ASB13: variants seen among roughly 807,000 people sequenced by gnomAD.
ASB13 encodes ankyrin repeat and SOCS box protein 13.
A neutral mutation model predicts 28.8 loss-of-function variants in ASB13; 33 were observed. The ratio of observed to expected loss-of-function variants is 1.15; its 90% CI spans 0.87 to 1.53. The LOEUF is 1.53. ASB13 is among the 40% of genes most tolerant of loss of function. ASB13 has a pLI of 0.00. For synonymous variants in ASB13, 182 were observed against 172.9 expected, an observed-to-expected ratio of 1.05 and a Z score of -0.41; for missense variants, 414 against 390.1, an observed-to-expected ratio of 1.06 and a Z score of -0.52.
Position 5,659,151 on chromosome 10 carries a change from C to T in ASB13, c.44-6101G>A, listed in dbSNP as rs1420608079. On this transcript the variant is annotated intron_variant, in intron 1 of 5. Coordinates refer to ENST00000357700, the MANE Select transcript of ASB13 (RefSeq NM_024701.4). The surrounding 1 kb of genome is among the most constrained non-coding windows in gnomAD (Gnocchi z 5.8). ...TTGCAGGCTGCTTCCAGCCCCTGTG[C>T]CAGGCTCCCTGTGGTGGCAAGACGC... is the stretch of plus-strand genomic sequence containing the variant. Among the ~76,000 whole-genome samples the T allele has an allele frequency of 6.6e-6, 1 of 152,190 alleles. No individual in the cohort carries two copies. The highest frequency in any genetic ancestry group is 2.4e-5 in the African/African-American group (1 of 41,446).
chr10:5,662,533 G>GA (rs754813507), intron 1 of ASB13, among the ~76,000 whole-genome samples: 2 of 6,682 alleles, frequency 3.0e-4, no homozygotes, highest in African/African-American at 6.0e-4. Flanking sequence ...CTGTCGAGAA[G>GA]GGGGGGGGAG....
chr10:5,641,263 G>A lies in ASB13; in HGVS notation c.710-433C>T, dbSNP rs11256529. ...ATTACAGGCACCCACCACCATGCCCGCCTAATTTTTATATTTTTAGTAGAG... is the reference window on the plus strand; with the variant it reads ...ATTACAGGCACCCACCACCATGCCCACCTAATTTTTATATTTTTAGTAGAG... On this transcript the variant is annotated intron_variant, in intron 5 of 5. Coordinates refer to ENST00000357700, the MANE Select transcript of ASB13 (RefSeq NM_024701.4). This position sits in a 1 kb window ranked among gnomAD's most constrained non-coding sequence, Gnocchi z 8.4. 0.39 allele frequency among the ~76,000 whole-genome samples: 58,980 copies of A among 151,660 alleles called. 11,686 individuals carry two copies. The highest frequency in any genetic ancestry group is 0.45 in the Middle Eastern group (132 of 294).
chr10:5,647,608 C>T (rs945071722), intron 4 of ASB13, among the ~76,000 whole-genome samples: 7 of 152,184 alleles, frequency 4.6e-5, no homozygotes, highest in African/African-American at 1.7e-4. Context: ...CACCAGGCAG[C>T]TGTGGGGACA....
In ASB13 at chr10:5,645,418, T is replaced by C. The variant is rs2131443311; in HGVS notation, c.518-3457A>G. Reference sequence around the variant, plus strand: ...GGCAGAGTTCAACATTCACTGTCAGTGATCAGATTAAAAATTACTTCACCA... The same window carrying C: ...GGCAGAGTTCAACATTCACTGTCAGCGATCAGATTAAAAATTACTTCACCA... On this transcript the variant is annotated intron_variant, in intron 4 of 5. Coordinates refer to ENST00000357700, the MANE Select transcript of ASB13 (RefSeq NM_024701.4). This position sits in a 1 kb window ranked among gnomAD's most constrained non-coding sequence, Gnocchi z 5.4. 1.3e-5 allele frequency among the ~76,000 whole-genome samples: 2 copies of C among 152,248 alleles called. No homozygotes were observed. Among genetic ancestry groups the C allele is most frequent in the South Asian group, 4.1e-4 (2 of 4,824 alleles).
rs985831000 is a variant in ASB13 at position 5,639,945 on chromosome 10, G to C, written c.*758C>G. 6 of 152,580 alleles carry C rather than the reference G, an allele frequency of 3.9e-5. No individual in the cohort carries two copies. Among genetic ancestry groups the C allele is most frequent in the African/African-American group, 1.4e-4 (6 of 41,434 alleles). The allele number at this position is 152,580 out of a possible 1,614,324, so 9.5% of individuals were successfully genotyped here. A position where few individuals can be genotyped will look rare whatever the true frequency, so the allele number is the denominator to read the frequency against. On this transcript the variant is annotated 3_prime_UTR_variant, in exon 6 of 6. Transcript: ENST00000357700. ...AAAACCTTAGTGGTACCGCCTACGT[G>C]TCCTCTAAAAGGTTTTTATCCTACA...
chr10:5,649,147 A>T lies in ASB13; in HGVS notation c.383-43T>A. The T allele has an allele frequency of 6.2e-7, 1 of 1,611,256 alleles. No homozygotes were observed. The highest frequency in any genetic ancestry group is 8.5e-7 in the Non-Finnish European group (1 of 1,179,002). On this transcript the variant is annotated intron_variant, in intron 3 of 5. Coordinates refer to ENST00000357700, the MANE Select transcript of ASB13 (RefSeq NM_024701.4). This position sits in a 1 kb window ranked among gnomAD's most constrained non-coding sequence, Gnocchi z 6.4. The stretch of plus-strand genomic sequence containing the variant: ...AGGGGGGGAATGTCCTTGAATACGG[A>T]CACTGGAGACAACAAGCACACAGAC...
At position 5,661,164 on chromosome 10, in the gene ASB13, G is replaced by GT. The variant is rs1325112823; in HGVS notation, c.43+5344dup. On this transcript the variant is annotated intron_variant, in intron 1 of 5. Transcript: ENST00000357700. The surrounding 1 kb of genome is among the most constrained non-coding windows in gnomAD (Gnocchi z 4.9). ...GGCCCGGCCACCCCCTAGAGAGCCT[G>GT]TGTCTAGGAGGCAGCTGGCCTGCTG... 6.6e-6 allele frequency among the ~76,000 whole-genome samples: 1 copy of GT among 152,122 alleles called. No individual in the cohort carries two copies. Among genetic ancestry groups the GT allele is most frequent in the Non-Finnish European group, 1.5e-5 (1 of 67,992 alleles).
At chr10:5,666,479 C>T in intron 1 of ASB13, 30 bp downstream of exon 1, 1 of 1,291,682 alleles carries the variant, frequency 7.7e-7, no homozygotes, top group Non-Finnish European at 9.8e-7. Context: ...GCCGCTGCCT[C>T]GCTCTGACCT....
Position 5,645,151 on chromosome 10 carries a change from G to A in ASB13, c.518-3190C>T, listed in dbSNP as rs1478955381. Among the ~76,000 whole-genome samples the A allele has an allele frequency of 6.6e-6, 1 of 151,768 alleles. No homozygotes were observed. On this transcript the variant is annotated intron_variant, in intron 4 of 5. Coordinates refer to ENST00000357700, the MANE Select transcript of ASB13 (RefSeq NM_024701.4). The surrounding 1 kb of genome is among the most constrained non-coding windows in gnomAD (Gnocchi z 5.4). ...CCGTGGCCAGTGACGTGACGGGACC[G>A]CCTAAGACCTTAGCACGCCAAGACT... is the stretch of plus-strand genomic sequence containing the variant.
In ASB13 at chr10:5,650,926, GT is replaced by G. The variant is rs1834974375; in HGVS notation, c.382+286del. Among the ~76,000 whole-genome samples the G allele has an allele frequency of 6.6e-6, 1 of 152,222 alleles. No individual in the cohort carries two copies. Among genetic ancestry groups the G allele is most frequent in the Non-Finnish European group, 1.5e-5 (1 of 68,036 alleles). On this transcript the variant is annotated intron_variant, in intron 3 of 5. Coordinates refer to ENST00000357700, the MANE Select transcript of ASB13 (RefSeq NM_024701.4). The surrounding 1 kb of genome is among the most constrained non-coding windows in gnomAD (Gnocchi z 6.0). The stretch of plus-strand genomic sequence containing the variant: ...CAAAGCCCAAGTGAGCCTCTGCAGA[GT>G]CCCCCAGGCCCTGCTAACGTGGAGA...
rs1463670911 is a variant in ASB13, at chr10:5,649,553, T to A, written c.383-449A>T. ...GCCTCTTTTTTTTTTTTAGACAAAG[T>A]CTCATTCTGTTGCCCAGGATGGAAT... On this transcript the variant is annotated intron_variant, in intron 3 of 5. Coordinates refer to ENST00000357700, the MANE Select transcript of ASB13 (RefSeq NM_024701.4). The surrounding 1 kb of genome is among the most constrained non-coding windows in gnomAD (Gnocchi z 6.4). Among the ~76,000 whole-genome samples, 1 of 132,980 alleles carries A rather than the reference T, an allele frequency of 7.5e-6. No homozygotes were observed. Among genetic ancestry groups the A allele is most frequent in the Admixed American group, 7.3e-5 (1 of 13,766 alleles). 87.2% of individuals were successfully genotyped at this position (132,980 alleles called of 152,430 possible).
intron 1 of ASB13, among the ~76,000 whole-genome samples, 179 bp downstream of exon 1, chr10:5,666,330 G>T (rs905766432): frequency 2.6e-5 from 4 of 152,166 alleles, no homozygotes; most frequent in Non-Finnish European, 5.9e-5. Context: ...GAGCCCGTCT[G>T]GGATGCGCGG....
At chr10:5,653,657 CATTTATTTATTTATTT>C (rs34881215) in intron 1 of ASB13, among the ~76,000 whole-genome samples, 16,147 of 148,578 alleles carry the variant, frequency 0.11, 1,357 homozygotes, top group East Asian at 0.45. Context: ...ATGTGGATGC[CATTTATTTATTTATTT>C]ATTTATTTAT....
At chr10:5,648,667 CAAACACCCCCTCGGGT>C (rs1389161378) in intron 4 of ASB13, among the ~76,000 whole-genome samples, 12 of 146,534 alleles carry the variant, frequency 8.2e-5, no homozygotes, top group African/African-American at 2.0e-4. Context: ...CCCACTCGGG[CAAACACCCCCTCGGGT>C]AAACACCCAC....
Position 5,639,340 on chromosome 10 carries a change from T to C in ASB13, c.*1363A>G, listed in dbSNP as rs1390972397. The C allele has an allele frequency of 6.6e-6, 1 of 152,492 alleles. No homozygotes were observed. Among genetic ancestry groups the C allele is most frequent in the East Asian group, 1.9e-4 (1 of 5,182 alleles). The allele number at this position is 152,492 out of a possible 1,614,324, so 9.4% of individuals were successfully genotyped here. On this transcript the variant is annotated 3_prime_UTR_variant, in exon 6 of 6. Transcript: ENST00000357700. Reference sequence around the variant, plus strand: ...ATCCAGTGAGTACCACGTTCCCTTTTCCCGGCACACTGTCTCCAGGACAGG... The same window carrying C: ...ATCCAGTGAGTACCACGTTCCCTTTCCCCGGCACACTGTCTCCAGGACAGG...
chr10:5,649,073 G>A lies in ASB13; in HGVS notation c.414C>T (p.Asp138=), dbSNP rs372320967. The A allele has an allele frequency of 2.1e-5, 34 of 1,614,114 alleles. No homozygotes were observed. Among genetic ancestry groups the A allele is most frequent in the African/African-American group, 1.2e-4 (9 of 74,940 alleles). ...CGTGCGCTTCCAGATTGGCCCCGACGTCAATAAGAAGCCTCACACATTCGG... is the reference window on the plus strand; with the variant it reads ...CGTGCGCTTCCAGATTGGCCCCGACATCAATAAGAAGCCTCACACATTCGG... ...GSSECVRLLI[D]VGANLEAHDC... Residue 138 remains aspartate (D), a synonymous_variant, in exon 4 of 6, where the codon GAC becomes GAT. Transcript: ENST00000357700. This position sits in a 1 kb window ranked among gnomAD's most constrained non-coding sequence, Gnocchi z 6.4.
In ASB13 at chr10:5,651,199, G is replaced by GT. The variant is rs1564218137; in HGVS notation, c.382+13dup. 8.8e-6 allele frequency: 14 copies of GT among 1,594,544 alleles called. No individual in the cohort carries two copies. Among genetic ancestry groups the GT allele is most frequent in the Non-Finnish European group, 1.2e-5 (14 of 1,169,970 alleles). Reference sequence around the variant, plus strand: ...AGAGCCCAGCTGGGCCAGCCCAGCCGTCTGCCAACTCACCGCTCATGCAGG... The same window carrying GT: ...AGAGCCCAGCTGGGCCAGCCCAGCCGTTCTGCCAACTCACCGCTCATGCAGG... On this transcript the variant is annotated intron_variant, in intron 3 of 5. Transcript: ENST00000357700. The surrounding 1 kb of genome is among the most constrained non-coding windows in gnomAD (Gnocchi z 5.1).
In ASB13 at chr10:5,652,032, A is replaced by ACT. The variant is rs1834996707; in HGVS notation, c.232-670_232-669insAG. ...AAAAAAAAAAAAAAAAAAACCACAC[A>ACT]CACACACACACACACACACACACAC... On this transcript the variant is annotated intron_variant, in intron 2 of 5. Coordinates refer to ENST00000357700, the MANE Select transcript of ASB13 (RefSeq NM_024701.4). This position sits in a 1 kb window ranked among gnomAD's most constrained non-coding sequence, Gnocchi z 5.0. Among the ~76,000 whole-genome samples the ACT allele has an allele frequency of 8.0e-6, 1 of 125,212 alleles. No individual in the cohort carries two copies. The highest frequency in any genetic ancestry group is 8.5e-5 in the Admixed American group (1 of 11,700). The allele number at this position is 125,212 out of a possible 152,430, so 82.1% of individuals were successfully genotyped here.
Position 5,649,003 on chromosome 10 carries a change from G to A in ASB13, c.484C>T (p.His162Tyr). The A allele has an allele frequency of 6.2e-7, 1 of 1,614,204 alleles. No homozygotes were observed. ...TPLHVACAREHLDCVKVLLNA... is the reference protein window; with the variant it reads ...TPLHVACAREYLDCVKVLLNA... Reference sequence around the variant, plus strand: ...AGCAGCACTTTGACACAGTCCAGATGCTCCCGGGCACAGGCAACGTGCAGA... The same window carrying A: ...AGCAGCACTTTGACACAGTCCAGATACTCCCGGGCACAGGCAACGTGCAGA... Residue 162 changes from histidine (H) to tyrosine (Y), a missense_variant, in exon 4 of 6, where the codon CAT (histidine) becomes TAT (tyrosine). His to Tyr is a moderately conservative substitution (Grantham distance 83, BLOSUM62 2). Coordinates refer to ENST00000357700, the MANE Select transcript of ASB13 (RefSeq NM_024701.4). The surrounding 1 kb of genome is among the most constrained non-coding windows in gnomAD (Gnocchi z 6.4).
Sources: gnomAD v4.1 joint callset for allele counts (sites outside exome capture counted in the v4.1 genomes callset) on GRCh38, gnomAD v4.1.1 for gene constraint, Gnocchi (gnomAD v3.1) non-coding constraint, MANE v1.5 for transcripts, NCBI Gene and HGNC (gene_info 2026-07-23, HGNC 2026-07-21) for gene names.